Variants in ACYP2 observed in about 807,000 individuals in gnomAD.
ACYP2 encodes acylphosphatase 2, also known as acylphosphatase-2.
In ACYP2, 12 loss-of-function variants were observed where a neutral mutation model predicts 11.2. That is an observed-to-expected ratio of 1.08 (90% CI 0.69 to 1.74). ACYP2 has a LOEUF of 1.74. Ranked by LOEUF, ACYP2 falls within the 40% of genes most tolerant of loss-of-function variation. ACYP2 has a pLI of 0.00. For missense variants in ACYP2, 134 were observed against 101.9 expected (o/e 1.31, Z -1.35); for synonymous variants, 43 against 32.2 (o/e 1.33, Z -1.13).
chr2:54,162,990 AAAAG>A (rs1682791870), intron 6 of ACYP2, among the ~76,000 whole-genome samples: 1 of 152,220 alleles, frequency 6.6e-6, no homozygotes, highest in Non-Finnish European at 1.5e-5. Context: ...TCAGAAAAGA[AAAAG>A]AAAAATTACT....
intron 6 of ACYP2, among the ~76,000 whole-genome samples, chr2:54,140,313 G>T (rs138060578): frequency 6.6e-6 from 1 of 152,138 alleles, no homozygotes; most frequent in Non-Finnish European, 1.5e-5. Flanking sequence ...AAAACGGGGA[G>T]TATGTGGAAG....
chr2:53,978,666 G>A (rs1364395387), intron 2 of ACYP2, among the ~76,000 whole-genome samples: 1 of 152,156 alleles, frequency 6.6e-6, no homozygotes, highest in African/African-American at 2.4e-5. Context: ...TGGGCAGATG[G>A]CTTGAGCTCA....
At chr2:54,134,312 GTAAATAAA>G (rs199837390) in intron 4 of ACYP2, among the ~76,000 whole-genome samples, 5 of 151,726 alleles carry the variant, frequency 3.3e-5, no homozygotes, top group Admixed American at 2.0e-4. Flanking sequence ...AAATAAGTAA[GTAAATAAA>G]TAAATAAATA....
chr2:54,126,692 A>G (rs1023997586), intron 4 of ACYP2, among the ~76,000 whole-genome samples: 1 of 151,784 alleles, frequency 6.6e-6, no homozygotes, highest in Non-Finnish European at 1.5e-5. Context: ...TCACGCCTGT[A>G]ATCCCAGAAC....
At chr2:54,015,645 T>TCTCACA (rs1322863615) in intron 2 of ACYP2, among the ~76,000 whole-genome samples, 79 of 130,484 alleles carry the variant, frequency 6.1e-4, no homozygotes, top group South Asian at 3.3e-3. Flanking sequence ...TGAGACCCCG[T>TCTCACA]CACACACACA....
At chr2:54,249,719 T>G (rs932173215) in intron 6 of ACYP2, among the ~76,000 whole-genome samples, 1 of 151,942 alleles carries the variant, frequency 6.6e-6, no homozygotes, top group Non-Finnish European at 1.5e-5. Flanking sequence ...GGCAGGAGGA[T>G]TGCTTGAGCC....
chr2:54,039,819 TTGTGTGTG>T (rs751604890), intron 2 of ACYP2, among the ~76,000 whole-genome samples: 4,888 of 126,652 alleles, frequency 0.039, 251 homozygotes, highest in African/African-American at 0.12. Flanking sequence ...TTGTTTTCTT[TTGTGTGTG>T]TGTGTGTGTG....
intron 6 of ACYP2, among the ~76,000 whole-genome samples, chr2:54,160,744 G>A (rs1009363437): frequency 6.6e-5 from 10 of 152,188 alleles, no homozygotes; most frequent in Non-Finnish European, 1.5e-5. Flanking sequence ...CATATCATGT[G>A]AATTTGTCCT....
chr2:54,090,124 G>A (rs555561084), intron 4 of ACYP2, among the ~76,000 whole-genome samples: 3 of 149,900 alleles, frequency 2.0e-5, no homozygotes, highest in East Asian at 2.0e-4. Context: ...CAGCCTGAGC[G>A]ACAGAATGAT....
At chr2:54,058,925 A>G (rs1676314695) in intron 4 of ACYP2, among the ~76,000 whole-genome samples, 1 of 152,120 alleles carries the variant, frequency 6.6e-6, no homozygotes, top group African/African-American at 2.4e-5. Context: ...CAAGGCTGGT[A>G]TCTTCCCCAC....
chr2:54,191,744 C>A (rs570886923), intron 6 of ACYP2, among the ~76,000 whole-genome samples: 1 of 152,198 alleles, frequency 6.6e-6, no homozygotes, highest in Non-Finnish European at 1.5e-5. Flanking sequence ...CTCAAATGTC[C>A]CCTTGTTGAA....
intron 6 of ACYP2, among the ~76,000 whole-genome samples, chr2:54,205,743 A>C (rs913275942): frequency 6.6e-6 from 1 of 152,082 alleles, no homozygotes; most frequent in Non-Finnish European, 1.5e-5. Context: ...CCTCCCCTCT[A>C]CCCCTCTGAA....
intron 6 of ACYP2, among the ~76,000 whole-genome samples, chr2:54,208,890 T>C (rs747697376): frequency 2.0e-5 from 3 of 152,176 alleles, no homozygotes; most frequent in Non-Finnish European, 4.4e-5. Flanking sequence ...TATATGTTCA[T>C]TGAGGCAATT....
intron 6 of ACYP2, among the ~76,000 whole-genome samples, chr2:54,159,076 G>A (rs1464680982): frequency 6.6e-6 from 1 of 151,886 alleles, no homozygotes; most frequent in Non-Finnish European, 1.5e-5. Context: ...ATAAAACCAT[G>A]TGTTATAGGT....
chr2:53,995,122 T>C (rs1672508840), intron 2 of ACYP2, among the ~76,000 whole-genome samples: 1 of 152,242 alleles, frequency 6.6e-6, no homozygotes, highest in South Asian at 2.1e-4. Flanking sequence ...ATGTTCTGTC[T>C]CTCATAGTTG....
At chr2:54,267,177 A>AT (rs1337663813) in intron 6 of ACYP2, 14 of 1,017,590 alleles carry the variant, frequency 1.4e-5, no homozygotes, top group East Asian at 2.6e-5. Flanking sequence ...TTATTCATGT[A>AT]TTTTTTCATC....
intron 2 of ACYP2, among the ~76,000 whole-genome samples, chr2:54,013,255 A>ATGTGTGTGTGTGTGTGTGTG (rs60289014): frequency 8.5e-6 from 1 of 117,526 alleles, no homozygotes. Context: ...ACCATCTAAT[A>ATGTGTGTGTGTGTGTGTGTG]TGTGTGTGTG....
At chr2:54,074,808 C>T (rs1248290167) in intron 4 of ACYP2, among the ~76,000 whole-genome samples, 1 of 152,152 alleles carries the variant, frequency 6.6e-6, no homozygotes, top group East Asian at 1.9e-4. Context: ...CTAAAGGCTG[C>T]AGAATTTACT....
At chr2:54,215,309 C>T (rs1433451694) in intron 6 of ACYP2, among the ~76,000 whole-genome samples, 3 of 152,132 alleles carry the variant, frequency 2.0e-5, no homozygotes, top group African/African-American at 7.2e-5. Flanking sequence ...TGAGAGAGGG[C>T]ATCCTTGTCT....
Sources: allele counts gnomAD v4.1 joint callset (sites outside exome capture counted in the v4.1 genomes callset), GRCh38; gene constraint gnomAD v4.1.1; transcripts MANE v1.5; gene names NCBI Gene and HGNC (gene_info 2026-07-23, HGNC 2026-07-21).